Variants in KCND2 observed in about 807,000 individuals in gnomAD.
KCND2 encodes A-type voltage-gated potassium channel KCND2.
KCND2 carries 16 observed loss-of-function variants against 54.4 expected under a neutral mutation model. The ratio of observed to expected loss-of-function variants is 0.29; its 90% confidence interval spans 0.20 to 0.45. KCND2 has a LOEUF of 0.45. Ranked by LOEUF, KCND2 falls within the 20% of genes least tolerant of loss-of-function variation. The probability of loss-of-function intolerance (pLI) is 1.00; values close to 1 mark genes in which losing one functional copy is unlikely to be tolerated. For synonymous variants in KCND2, 317 were observed against 310.7 expected (o/e 1.02, Z -0.21); for missense variants, 486 against 824.2 (o/e 0.59, Z 5.02).
intron 1 of KCND2, among the ~76,000 whole-genome samples, chr7:120,314,371 G>A (rs1799783478): frequency 1.3e-5 from 2 of 151,388 alleles, no homozygotes; most frequent in South Asian, 4.2e-4. Flanking sequence ...TTAGATTAAG[G>A]CAAAGAGAAA....
chr7:120,614,451 AACTG>A (rs1237416321), intron 1 of KCND2, among the ~76,000 whole-genome samples: 1 of 152,212 alleles, frequency 6.6e-6, no homozygotes, highest in Non-Finnish European at 1.5e-5. Context: ...AAGTCTATGG[AACTG>A]AAAATCCACC....
intron 1 of KCND2, among the ~76,000 whole-genome samples, chr7:120,508,698 A>G (rs1198080210): frequency 6.6e-6 from 1 of 151,984 alleles, no homozygotes; most frequent in Non-Finnish European, 1.5e-5. Flanking sequence ...CATAATGTTA[A>G]TTTATTTAAA....
At chr7:120,335,421 T>TTG (rs1800133485) in intron 1 of KCND2, among the ~76,000 whole-genome samples, 1 of 150,462 alleles carries the variant, frequency 6.6e-6, no homozygotes, top group Non-Finnish European at 1.5e-5. Context: ...AGGCCTTGGT[T>TTG]TGTCCATGGC....
chr7:120,331,752 C>G (rs914556783), intron 1 of KCND2, among the ~76,000 whole-genome samples: 2 of 151,984 alleles, frequency 1.3e-5, no homozygotes, highest in South Asian at 2.1e-4. Context: ...AAAATGTCAT[C>G]ATAATGAATT....
intron 1 of KCND2, among the ~76,000 whole-genome samples, chr7:120,698,178 A>G (rs1434145986): frequency 1.3e-5 from 2 of 151,932 alleles, no homozygotes; most frequent in African/African-American, 4.8e-5. Context: ...CCATGCCCAG[A>G]TAACTGTTGT....
At chr7:120,572,521 A>AATAT (rs199651169) in intron 1 of KCND2, among the ~76,000 whole-genome samples, 5 of 151,256 alleles carry the variant, frequency 3.3e-5, no homozygotes, top group African/African-American at 4.8e-5. Context: ...GTGTGAACAT[A>AATAT]ATATATATAT....
chr7:120,482,130 A>G (rs539155619), intron 1 of KCND2, among the ~76,000 whole-genome samples: 2 of 152,304 alleles, frequency 1.3e-5, no homozygotes, highest in East Asian at 3.9e-4. Context: ...CGTGGAGCCA[A>G]AGGAAATTAT....
chr7:120,468,904 C>T (rs1802416309), intron 1 of KCND2, among the ~76,000 whole-genome samples: 1 of 152,116 alleles, frequency 6.6e-6, no homozygotes, highest in South Asian at 2.1e-4. Flanking sequence ...AGCAGGGATA[C>T]TGCTGACCAT....
chr7:120,605,387 CAT>C (rs1293574021), intron 1 of KCND2, among the ~76,000 whole-genome samples: 2 of 152,156 alleles, frequency 1.3e-5, no homozygotes. Flanking sequence ...CATGTTATAA[CAT>C]ATATGAGTAC....
intron 1 of KCND2, among the ~76,000 whole-genome samples, chr7:120,349,665 A>T (rs1205729823): frequency 6.6e-6 from 1 of 152,206 alleles, no homozygotes; most frequent in Non-Finnish European, 1.5e-5. Context: ...TGAAGATACC[A>T]TGCAAGTTAA....
At chr7:120,428,606 A>G (rs779473887) in intron 1 of KCND2, among the ~76,000 whole-genome samples, 18 of 152,186 alleles carry the variant, frequency 1.2e-4, no homozygotes, top group Non-Finnish European at 2.6e-4. Flanking sequence ...GTCAGATTAC[A>G]AAGCTTTAAC....
intron 1 of KCND2, among the ~76,000 whole-genome samples, chr7:120,680,959 C>T (rs1792131136): frequency 6.6e-6 from 1 of 152,068 alleles, no homozygotes; most frequent in African/African-American, 2.4e-5. Flanking sequence ...GACATGCTAA[C>T]ATAATACTTA....
At chr7:120,494,632 A>G (rs989856253) in intron 1 of KCND2, among the ~76,000 whole-genome samples, 21 of 152,134 alleles carry the variant, frequency 1.4e-4, no homozygotes, top group Non-Finnish European at 2.2e-4. Flanking sequence ...CAAATTCTCT[A>G]TTAAATAGCC....
chr7:120,291,320 C>A (rs940306445), intron 1 of KCND2, among the ~76,000 whole-genome samples: 2 of 151,722 alleles, frequency 1.3e-5, no homozygotes, highest in African/African-American at 4.8e-5. Flanking sequence ...CTTGAGCTCC[C>A]CAAAAATCTG....
In KCND2 at chr7:120,388,875, CATTTATATATACATGTATAT is replaced by C. The variant is rs975288842; in HGVS notation, c.1115+113131_1115+113150del. 5.2e-4 allele frequency among the ~76,000 whole-genome samples: 67 copies of C among 128,012 alleles called. 2 individuals carry two copies. Among genetic ancestry groups the C allele is most frequent in the Non-Finnish European group, 1.7e-5 (1 of 60,200 alleles). 84.0% of individuals were successfully genotyped at this position (128,012 alleles called of 152,430 possible). ...ATATGTTATATTCTTTACTTTATATCATTTATATATACATGTATATATATATATATACACACACATACATA... is the reference window on the plus strand; with the variant it reads ...ATATGTTATATTCTTTACTTTATATCATATATATATACACACACATACATA... On this transcript the variant is annotated intron_variant, in intron 1 of 5. Transcript: ENST00000331113.
intron 1 of KCND2, among the ~76,000 whole-genome samples, chr7:120,689,145 T>G (rs1310799123): frequency 2.0e-5 from 3 of 152,088 alleles, no homozygotes. Flanking sequence ...AGCAGAAAAA[T>G]GCACAGTAGT....
chr7:120,741,088 T>C (rs562577019), intron 2 of KCND2, among the ~76,000 whole-genome samples: 1 of 151,732 alleles, frequency 6.6e-6, no homozygotes, highest in Non-Finnish European at 1.5e-5. Flanking sequence ...AGGCAATCAG[T>C]TCTTGGTACT....
chr7:120,448,447 G>A (rs1184233058), intron 1 of KCND2, among the ~76,000 whole-genome samples: 1 of 152,036 alleles, frequency 6.6e-6, no homozygotes, highest in African/African-American at 2.4e-5. Flanking sequence ...CATTTGGGTT[G>A]GTTCCAAGTT....
At chr7:120,689,723 G>A (rs1265668152) in intron 1 of KCND2, among the ~76,000 whole-genome samples, 1 of 152,196 alleles carries the variant, frequency 6.6e-6, no homozygotes, top group Non-Finnish European at 1.5e-5. Flanking sequence ...CATAAGCCCA[G>A]TTCCTTTTGC....
Sources: gnomAD v4.1 joint callset for allele counts (sites outside exome capture counted in the v4.1 genomes callset) on GRCh38, gnomAD v4.1.1 for gene constraint, MANE v1.5 for transcripts, NCBI Gene and HGNC (gene_info 2026-07-23, HGNC 2026-07-21) for gene names.